RAB31: variants seen among roughly 807,000 people sequenced by gnomAD.
RAB31 encodes ras-related protein Rab-31.
In RAB31, 21 loss-of-function variants were observed where a neutral mutation model predicts 25.6. That is an observed-to-expected ratio of 0.82 (90% CI 0.58 to 1.18). The LOEUF (loss-of-function observed/expected upper bound fraction) is 1.18, where lower values mean the gene tolerates loss of function less well. Ranked by LOEUF, RAB31 falls within the 50% of genes most tolerant of loss-of-function variation. The pLI, the probability that RAB31 is intolerant of heterozygous loss-of-function variation, is 0.00. For synonymous variants in RAB31, 87 were observed against 84.0 expected (o/e 1.04, Z -0.20); for missense variants, 196 against 250.1 (o/e 0.78, Z 1.46).
At chr18:9,847,017 A>G (rs1050439027) in intron 6 of RAB31, among the ~76,000 whole-genome samples, 7 of 152,146 alleles carry the variant, frequency 4.6e-5, no homozygotes, top group African/African-American at 1.4e-4. Context: ...CCTTGCCCTG[A>G]ATGGCTGAAC....
intron 3 of RAB31, among the ~76,000 whole-genome samples, chr18:9,809,985 G>T (rs567106649): frequency 6.6e-6 from 1 of 152,178 alleles, no homozygotes; most frequent in Admixed American, 6.5e-5. Flanking sequence ...GGCCGTTCCC[G>T]TCTCCCCTGC....
chr18:9,748,646 A>C (rs922123718), intron 1 of RAB31, among the ~76,000 whole-genome samples: 1 of 152,040 alleles, frequency 6.6e-6, no homozygotes, highest in Non-Finnish European at 1.5e-5. Flanking sequence ...TAATCCCAGC[A>C]CTTTGGGAAG....
chr18:9,834,590 A>G (rs148226680), intron 5 of RAB31, among the ~76,000 whole-genome samples: 5 of 152,334 alleles, frequency 3.3e-5, no homozygotes, highest in Non-Finnish European at 7.3e-5. Context: ...TTCAGACAAT[A>G]TTTACAGAGA....
chr18:9,727,561 T>C (rs567151386), intron 1 of RAB31, among the ~76,000 whole-genome samples: 133 of 152,274 alleles, frequency 8.7e-4, no homozygotes, highest in Non-Finnish European at 1.6e-3. Context: ...AGGGATCCTT[T>C]TGCCTTGGCC....
intron 5 of RAB31, among the ~76,000 whole-genome samples, chr18:9,827,492 C>T (rs756380299): frequency 6.6e-6 from 1 of 152,110 alleles, no homozygotes; most frequent in Non-Finnish European, 1.5e-5. Context: ...CCTACCCTCC[C>T]CATGAATACA....
intron 1 of RAB31, chr18:9,734,838 C>A: frequency 4.6e-6 from 1 of 217,298 alleles, no homozygotes; most frequent in South Asian, 5.7e-5. Flanking sequence ...TGCAAGCCAC[C>A]AGCACACAGG....
chr18:9,768,492 A>G (rs1163583798), intron 1 of RAB31, among the ~76,000 whole-genome samples: 5 of 152,314 alleles, frequency 3.3e-5, no homozygotes, highest in African/African-American at 1.2e-4. Flanking sequence ...GGCCACAAAA[A>G]TGTCTTTTTT....
intron 1 of RAB31, among the ~76,000 whole-genome samples, chr18:9,748,048 T>C (rs2068214433): frequency 6.6e-6 from 1 of 152,202 alleles, no homozygotes; most frequent in African/African-American, 2.4e-5. Flanking sequence ...ACAATTTCGA[T>C]GAGTTTCCTG....
rs188642731 is a variant in RAB31 at position 9,729,594 on chromosome 18, A to C, written c.39+21150A>C. On this transcript the variant is annotated intron_variant, in intron 1 of 6. Transcript: ENST00000578921. The stretch of plus-strand genomic sequence containing the variant: ...TTCATATTTTCTTTTTTACATTTTA[A>C]ATTATTTGAGCACGTGGATTTTGGG... 1.1e-4 allele frequency among the ~76,000 whole-genome samples: 16 copies of C among 152,050 alleles called. No individual in the cohort carries two copies. The South Asian group carries it at 1.5e-3, about 14-fold the overall frequency.
intron 3 of RAB31, among the ~76,000 whole-genome samples, chr18:9,798,864 C>A (rs1599043221): frequency 6.6e-6 from 1 of 151,982 alleles, no homozygotes; most frequent in African/African-American, 2.4e-5. Context: ...CCGAGGCGGG[C>A]AGATCACGAG....
chr18:9,725,532 A>G (rs982307257), intron 1 of RAB31, among the ~76,000 whole-genome samples: 1 of 152,226 alleles, frequency 6.6e-6, no homozygotes, highest in African/African-American at 2.4e-5. Flanking sequence ...AATGCACATA[A>G]TAACTTAACT....
chr18:9,840,188 A>C (rs987942255), intron 5 of RAB31, among the ~76,000 whole-genome samples: 2 of 152,310 alleles, frequency 1.3e-5, no homozygotes, highest in East Asian at 3.9e-4. Context: ...ATCTGCATCC[A>C]CACTTCCTGC....
intron 2 of RAB31, among the ~76,000 whole-genome samples, chr18:9,780,175 CAA>C (rs11338062): frequency 4.6e-4 from 49 of 106,050 alleles, no homozygotes; most frequent in South Asian, 9.2e-4. Context: ...AATACTGTTC[CAA>C]AAAAAAAAAA....
chr18:9,758,453 C>G (rs74912975), intron 1 of RAB31, among the ~76,000 whole-genome samples: 12 of 151,982 alleles, frequency 7.9e-5, no homozygotes, highest in South Asian at 2.1e-4. Flanking sequence ...TCTCCTCCCC[C>G]CTCTTCCCTT....
At chr18:9,812,238 C>T (rs2068576143) in intron 3 of RAB31, among the ~76,000 whole-genome samples, 1 of 152,156 alleles carries the variant, frequency 6.6e-6, no homozygotes. Flanking sequence ...AGGGGAGACA[C>T]AAACATTCAG....
rs114512485 is a variant in RAB31 at position 9,711,009 on chromosome 18, C to T, written c.39+2565C>T. Among the ~76,000 whole-genome samples, 643 of 151,756 alleles carry T rather than the reference C, an allele frequency of 4.2e-3. 6 individuals carry two copies. The highest frequency in any genetic ancestry group is 0.014 in the African/African-American group (590 of 41,316). ...AGACCAAATGACCTTGTTGTCCACA[C>T]TGAGTAAGATTTGCCACATCCCCTC... is the stretch of plus-strand genomic sequence containing the variant. On this transcript the variant is annotated intron_variant, in intron 1 of 6. Transcript: ENST00000578921.
chr18:9,840,385 AAAT>A (rs2143125470), intron 5 of RAB31, among the ~76,000 whole-genome samples: 1 of 152,304 alleles, frequency 6.6e-6, no homozygotes, highest in Non-Finnish European at 1.5e-5. Context: ...TGTTGAAAAA[AAAT>A]AAACAAAAGT....
intron 3 of RAB31, among the ~76,000 whole-genome samples, chr18:9,813,784 G>A (rs2068587059): frequency 6.6e-6 from 1 of 152,076 alleles, no homozygotes. Context: ...CCTAGGAGGT[G>A]GAGGTTGCAG....
Position 9,859,324 on chromosome 18 carries a change from G to T in RAB31, c.587G>T (p.Ter196LeuextTer55). Residue 196 changes from the stop codon to leucine, a stop_lost, in exon 7 of 7, where the codon TGA becomes TTA. Transcript: ENST00000578921. ...PTMQASRRCC[*>L] ...ATGCAAGCCAGCCGCCGGTGCTGTTGACCCAAGGGCCGTGGTCCACGGTAC... is the reference window on the plus strand; with the variant it reads ...ATGCAAGCCAGCCGCCGGTGCTGTTTACCCAAGGGCCGTGGTCCACGGTAC... 1 of 1,609,986 alleles carries T rather than the reference G, an allele frequency of 6.2e-7. No homozygotes were observed. The highest frequency in any genetic ancestry group is 1.1e-5 in the South Asian group (1 of 91,002).
Sources: gnomAD v4.1 joint callset for allele counts (sites outside exome capture counted in the v4.1 genomes callset) on GRCh38, gnomAD v4.1.1 for gene constraint, MANE v1.5 for transcripts, NCBI Gene and HGNC (gene_info 2026-07-23, HGNC 2026-07-21) for gene names.